The following PRKCE variants were observed in gnomAD, a reference collection of about 807,000 sequenced individuals.
PRKCE encodes protein kinase C epsilon type.
Under a neutral mutation model 85.4 loss-of-function variants are expected in PRKCE, and 16 were observed. The ratio of observed to expected loss-of-function variants is 0.19; its 90% CI spans 0.13 to 0.28. PRKCE has a LOEUF of 0.28. PRKCE is among the 10% of genes least tolerant of loss of function. The pLI is 1.00. For synonymous variants in PRKCE, 388 were observed against 371.5 expected, an observed-to-expected ratio of 1.04 and a Z score of -0.51; for missense variants, 573 against 975.2, an observed-to-expected ratio of 0.59 and a Z score of 5.49.
chr2:45,940,986 A>G (rs1699830765), intron 2 of PRKCE, among the ~76,000 whole-genome samples: 1 of 144,828 alleles, frequency 6.9e-6, no homozygotes, highest in African/African-American at 2.6e-5. Flanking sequence ...GACTCGCTTG[A>G]GCCTGGGAGG....
chr2:46,052,650 A>T (rs1027223133), intron 10 of PRKCE, among the ~76,000 whole-genome samples: 7 of 152,234 alleles, frequency 4.6e-5, no homozygotes, highest in Non-Finnish European at 8.8e-5. Context: ...GCCGATCTTA[A>T]AATTCATATG....
chr2:46,042,474 A>C (rs939081584), intron 10 of PRKCE, among the ~76,000 whole-genome samples: 1 of 152,252 alleles, frequency 6.6e-6, no homozygotes, highest in African/African-American at 2.4e-5. Context: ...TCCGAATTTC[A>C]ATCAGGACTA....
At chr2:46,101,475 G>A (rs1671215473) in intron 11 of PRKCE, among the ~76,000 whole-genome samples, 1 of 152,170 alleles carries the variant, frequency 6.6e-6, no homozygotes, top group South Asian at 2.1e-4. Flanking sequence ...AGGCTCTGGT[G>A]GAGGGAGAGG....
At chr2:46,047,266 G>A (rs890956607) in intron 10 of PRKCE, among the ~76,000 whole-genome samples, 17 of 152,116 alleles carry the variant, frequency 1.1e-4, no homozygotes, top group Non-Finnish European at 1.8e-4. Flanking sequence ...TAGAAAAAGA[G>A]TACAGGAAAT....
intron 10 of PRKCE, among the ~76,000 whole-genome samples, chr2:46,039,431 A>C (rs146338101): frequency 6.6e-6 from 1 of 152,240 alleles, no homozygotes; most frequent in African/African-American, 2.4e-5. Context: ...GTATATTCCA[A>C]AACATTATTG....
At chr2:45,772,282 A>T (rs1284412004) in intron 1 of PRKCE, among the ~76,000 whole-genome samples, 2 of 152,024 alleles carry the variant, frequency 1.3e-5, no homozygotes, top group Non-Finnish European at 2.9e-5. Context: ...TCAAAATAAA[A>T]AAAAAAAAAG....
intron 2 of PRKCE, among the ~76,000 whole-genome samples, chr2:45,969,641 C>T (rs1339507762): frequency 6.6e-6 from 1 of 152,174 alleles, no homozygotes; most frequent in African/African-American, 2.4e-5. Flanking sequence ...TTGTGCCAAG[C>T]AACCCCCCAC....
intron 1 of PRKCE, among the ~76,000 whole-genome samples, chr2:45,705,216 C>T (rs934008985): frequency 3.3e-5 from 5 of 152,158 alleles, no homozygotes; most frequent in East Asian, 3.8e-4. Context: ...AGCTCGGTTC[C>T]GAGCAGCGCT....
chr2:45,861,199 G>T (rs1693129539), intron 2 of PRKCE, among the ~76,000 whole-genome samples: 2 of 152,108 alleles, frequency 1.3e-5, no homozygotes, highest in African/African-American at 2.4e-5. Context: ...GCTGGGGCTG[G>T]TATTAGGGGT....
At chr2:45,871,462 G>T (rs758246429) in intron 2 of PRKCE, among the ~76,000 whole-genome samples, 1 of 152,206 alleles carries the variant, frequency 6.6e-6, no homozygotes, top group African/African-American at 2.4e-5. Context: ...TAGTTGCTCC[G>T]TGGCTTTGCT....
intron 2 of PRKCE, among the ~76,000 whole-genome samples, chr2:45,893,068 C>A (rs1190867602): frequency 1.3e-5 from 2 of 152,152 alleles, no homozygotes; most frequent in African/African-American, 4.8e-5. Context: ...TGTTTGCGAC[C>A]CTCACAGAAC....
chr2:46,073,153 G>A (rs1282042091), intron 10 of PRKCE, among the ~76,000 whole-genome samples: 1 of 152,192 alleles, frequency 6.6e-6, no homozygotes, highest in Non-Finnish European at 1.5e-5. Context: ...TCTGTTCACA[G>A]CCTTGCAAAA....
chr2:45,722,131 A>C (rs1447060855), intron 1 of PRKCE, among the ~76,000 whole-genome samples: 1 of 152,182 alleles, frequency 6.6e-6, no homozygotes, highest in Non-Finnish European at 1.5e-5. Flanking sequence ...GTTAACACAA[A>C]GGGCATACTT....
At chr2:45,704,984 C>A (rs1678989947) in intron 1 of PRKCE, among the ~76,000 whole-genome samples, 1 of 152,134 alleles carries the variant, frequency 6.6e-6, no homozygotes, top group Non-Finnish European at 1.5e-5. Flanking sequence ...AGGAGGGGAG[C>A]CTGAATGGTC....
intron 1 of PRKCE, among the ~76,000 whole-genome samples, chr2:45,816,393 A>T (rs60094895): frequency 6.6e-6 from 1 of 151,988 alleles, no homozygotes; most frequent in African/African-American, 2.4e-5. Flanking sequence ...TGGGAAAGCC[A>T]TCAGTGATTG....
chr2:46,150,791 A>G (rs1220899404), intron 12 of PRKCE, among the ~76,000 whole-genome samples: 1 of 152,190 alleles, frequency 6.6e-6, no homozygotes, highest in East Asian at 1.9e-4. Context: ...GTGCTCAAAG[A>G]AATAGGAATT....
chr2:46,086,472 G>T lies in PRKCE; in HGVS notation c.1592+110G>T, dbSNP rs559469202. On this transcript the variant is annotated intron_variant, in intron 11 of 14. Coordinates refer to ENST00000306156, the MANE Select transcript of PRKCE (RefSeq NM_005400.3). ...ACTCGTCTCTTAGCAACCTGCTTTA[G>T]ATTAGTTGTTTGTTCCAATTTGCTT... The T allele has an allele frequency of 2.3e-6, 3 of 1,314,320 alleles. No homozygotes were observed. The African/African-American group carries it at 4.4e-5, about 19-fold the overall frequency. The allele number at this position is 1,314,320 out of a possible 1,614,324, so 81.4% of individuals were successfully genotyped here. A position where few individuals can be genotyped will look rare whatever the true frequency, so the allele number is the denominator to read the frequency against.
intron 1 of PRKCE, among the ~76,000 whole-genome samples, chr2:45,752,773 C>T (rs1683684806): frequency 1.3e-5 from 2 of 152,172 alleles, no homozygotes; most frequent in African/African-American, 4.8e-5. Flanking sequence ...CTACCTCCAC[C>T]TCAGTGTGCC....
intron 14 of PRKCE, among the ~76,000 whole-genome samples, chr2:46,165,565 A>G (rs1678257326): frequency 6.6e-6 from 1 of 152,248 alleles, no homozygotes; most frequent in Admixed American, 6.5e-5. Context: ...TCATCCCAAG[A>G]TGATGGCCTT....
Sources: gnomAD v4.1 joint callset for allele counts (sites outside exome capture counted in the v4.1 genomes callset) on GRCh38, gnomAD v4.1.1 for gene constraint, MANE v1.5 for transcripts, NCBI Gene and HGNC (gene_info 2026-07-23, HGNC 2026-07-21) for gene names.